Variants in SGSM1 observed in about 807,000 individuals in gnomAD.
SGSM1 encodes the protein RUN and TBC1 domain containing 2.
A neutral mutation model predicts 133.8 loss-of-function variants in SGSM1; 73 were observed. The observed-to-expected ratio is 0.55, with a 90% CI of 0.45 to 0.66. The LOEUF is 0.66. Ranked by LOEUF, SGSM1 falls within the 30% of genes least tolerant of loss-of-function variation. SGSM1 has a pLI of 0.00. For missense variants in SGSM1, 1,213 were observed against 1,448.1 expected, an observed-to-expected ratio of 0.84 and a Z score of 2.64; for synonymous variants, 563 against 573.0, an observed-to-expected ratio of 0.98 and a Z score of 0.25.
chr22:24,909,615 C>T (rs891808315), intron 21 of SGSM1, among the ~76,000 whole-genome samples: 1 of 152,068 alleles, frequency 6.6e-6, no homozygotes, highest in African/African-American at 2.4e-5. Flanking sequence ...ACCACCACAT[C>T]TGGCTAATTT....
At chr22:24,875,797 T>C (rs1209034266) in intron 12 of SGSM1, among the ~76,000 whole-genome samples, 1 of 152,200 alleles carries the variant, frequency 6.6e-6, no homozygotes, top group Non-Finnish European at 1.5e-5. Context: ...GCAGTTCTTA[T>C]GAAGCTGAGA....
At chr22:24,890,603 C>T (rs1470490979) in intron 16 of SGSM1, among the ~76,000 whole-genome samples, 3 of 151,960 alleles carry the variant, frequency 2.0e-5, no homozygotes, top group Non-Finnish European at 4.4e-5. Flanking sequence ...TGCAGTGGTG[C>T]GATCTCAGCT....
intron 2 of SGSM1, chr22:24,843,387 G>C (rs1480052439): frequency 6.5e-6 from 1 of 153,318 alleles, no homozygotes; most frequent in Non-Finnish European, 1.5e-5. Flanking sequence ...AGAAGGCAGG[G>C]AGAGCAGGCA....
At chr22:24,835,558 A>C (rs1929376502) in intron 2 of SGSM1, among the ~76,000 whole-genome samples, 1 of 152,162 alleles carries the variant, frequency 6.6e-6, no homozygotes, top group Admixed American at 6.5e-5. Flanking sequence ...TATGTTGGGT[A>C]CCAAGTGGGG....
intron 14 of SGSM1, among the ~76,000 whole-genome samples, chr22:24,883,455 C>G (rs151306794): frequency 0.012 from 1,806 of 152,290 alleles, 22 homozygotes; most frequent in Non-Finnish European, 0.017. Context: ...CTTTCTACCC[C>G]CTTCTCTGCC....
Position 24,855,373 on chromosome 22 carries a change from C to T in SGSM1, c.612C>T (p.His204=). Residue 204 remains histidine, a synonymous_variant, in exon 7 of 25, where the codon CAC becomes CAT. Transcript: ENST00000400358. ...DPSADELVQR[H]RIHSSHVRQD... ...CGGCTGACGAACTTGTCCAGAGGCA[C>T]CGCATCCACAGCTCCCACGTGCGGC... is the stretch of plus-strand genomic sequence containing the variant. The T allele has an allele frequency of 6.2e-7, 1 of 1,613,684 alleles. No homozygotes were observed. Among genetic ancestry groups the T allele is most frequent in the South Asian group, 1.1e-5 (1 of 91,022 alleles).
intron 2 of SGSM1, among the ~76,000 whole-genome samples, chr22:24,827,060 A>G (rs1192153528): frequency 6.6e-5 from 10 of 152,172 alleles, no homozygotes; most frequent in South Asian, 6.2e-4. Flanking sequence ...ATTTTCTGCA[A>G]TCTTTATGAC....
intron 21 of SGSM1, among the ~76,000 whole-genome samples, chr22:24,905,958 C>T (rs1933362311): frequency 6.6e-6 from 1 of 152,008 alleles, no homozygotes; most frequent in South Asian, 2.1e-4. Flanking sequence ...CAGACAAAGA[C>T]ATAACAAGAA....
intron 18 of SGSM1, among the ~76,000 whole-genome samples, chr22:24,895,701 C>A (rs549182995): frequency 6.6e-6 from 1 of 152,258 alleles, no homozygotes; most frequent in African/African-American, 2.4e-5. Context: ...TGTTCAACAA[C>A]TTTCCGTTTC....
chr22:24,856,683 G>A lies in SGSM1; in HGVS notation c.801+1003G>A, dbSNP rs1286503800. Among the ~76,000 whole-genome samples the A allele has an allele frequency of 2.6e-4, 39 of 151,986 alleles. 1 individual carries two copies. Among genetic ancestry groups the A allele is most frequent in the Admixed American group, 2.6e-3 (39 of 15,258 alleles). The stretch of plus-strand genomic sequence containing the variant: ...TTGAGCCAGTCACTTTTCCCTCTGA[G>A]CCTCCGTATCTGCATCACAATGGGT... On this transcript the variant is annotated intron_variant, in intron 8 of 24. Coordinates refer to ENST00000400358, the MANE Select transcript of SGSM1 (RefSeq NM_001098497.3).
intron 17 of SGSM1, 78 bp from the exon 18 acceptor site, chr22:24,895,145 T>C: frequency 7.0e-7 from 1 of 1,427,488 alleles, no homozygotes; most frequent in Non-Finnish European, 9.7e-7. Context: ...ACTTTCTGGC[T>C]CCCAGCCCAG....
intron 8 of SGSM1, 141 bp from the exon 9 acceptor site, chr22:24,859,575 G>T: frequency 8.4e-7 from 1 of 1,185,416 alleles, no homozygotes. Context: ...AGGCTTTAGA[G>T]TCTTCCACAT....
At chr22:24,858,596 G>T (rs948243246) in intron 8 of SGSM1, among the ~76,000 whole-genome samples, 1 of 145,442 alleles carries the variant, frequency 6.9e-6, no homozygotes, top group Admixed American at 7.1e-5. Flanking sequence ...AGATCGCGCC[G>T]CTGTCCTCCA....
chr22:24,889,566 C>T (rs1308628547), intron 16 of SGSM1, among the ~76,000 whole-genome samples: 1 of 151,898 alleles, frequency 6.6e-6, no homozygotes, highest in African/African-American at 2.4e-5. Context: ...TGCGCCACCA[C>T]ACCTGCCTAA....
intron 19 of SGSM1, 108 bp downstream of exon 19, chr22:24,898,667 C>G: frequency 9.0e-7 from 1 of 1,115,788 alleles, no homozygotes; most frequent in Non-Finnish European, 1.3e-6. Flanking sequence ...ACCTCTGGTT[C>G]GTTGCATTTT....
intron 2 of SGSM1, among the ~76,000 whole-genome samples, chr22:24,837,656 C>G (rs1300842455): frequency 6.6e-6 from 1 of 150,690 alleles, no homozygotes; most frequent in Non-Finnish European, 1.5e-5. Flanking sequence ...GGACCACGAT[C>G]CGCCTGGTAA....
Position 24,871,706 on chromosome 22 carries a change from C to T in SGSM1, c.1291+2851C>T, listed in dbSNP as rs61308703. ...CTGGCTCCAGAGCCTGTGCCTCTAACCACCACTCCATGCACATCGTTTTGA... is the reference window on the plus strand; with the variant it reads ...CTGGCTCCAGAGCCTGTGCCTCTAATCACCACTCCATGCACATCGTTTTGA... On this transcript the variant is annotated intron_variant, in intron 12 of 24. Coordinates refer to ENST00000400358, the MANE Select transcript of SGSM1 (RefSeq NM_001098497.3). Among the ~76,000 whole-genome samples, 470 of 152,314 alleles carry T rather than the reference C, an allele frequency of 3.1e-3. 4 individuals carry two copies. Among genetic ancestry groups the T allele is most frequent in the African/African-American group, 0.011 (458 of 41,568 alleles).
intron 21 of SGSM1, among the ~76,000 whole-genome samples, chr22:24,911,661 C>T (rs1029867221): frequency 6.6e-6 from 1 of 152,078 alleles, no homozygotes; most frequent in Admixed American, 6.6e-5. Context: ...GTTTTCCTCT[C>T]GATAACCCAT....
At chr22:24,840,628 C>T (rs1929735656) in intron 2 of SGSM1, among the ~76,000 whole-genome samples, 1 of 152,128 alleles carries the variant, frequency 6.6e-6, no homozygotes, top group East Asian at 1.9e-4. Context: ...CAGGTGTGAG[C>T]CACCATGCCC....
Sources: gnomAD v4.1 joint callset for allele counts (sites outside exome capture counted in the v4.1 genomes callset) on GRCh38, gnomAD v4.1.1 for gene constraint, MANE v1.5 for transcripts, NCBI Gene and HGNC (gene_info 2026-07-23, HGNC 2026-07-21) for gene names.